FBLN1: variants seen among roughly 807,000 people sequenced by gnomAD.
FBLN1 encodes fibulin 1.
In FBLN1, 34 loss-of-function variants were observed where a neutral mutation model predicts 89.7. That is an observed-to-expected ratio of 0.38 (90% CI 0.29 to 0.50). The LOEUF is 0.50. FBLN1 is among the 20% of genes least tolerant of loss of function. The pLI, the probability that FBLN1 is intolerant of heterozygous loss-of-function variation, is 0.92. For missense variants in FBLN1, 777 were observed against 988.1 expected, an observed-to-expected ratio of 0.79 and a Z score of 2.86; for synonymous variants, 393 against 391.3, an observed-to-expected ratio of 1.00 and a Z score of -0.05.
intron 14 of FBLN1, among the ~76,000 whole-genome samples, chr22:45,554,455 T>TC (rs748171638): frequency 6.6e-6 from 1 of 152,114 alleles, no homozygotes; most frequent in African/African-American, 2.4e-5. Context: ...CAGGCAGGAC[T>TC]CCCCCGTTCA....
chr22:45,573,692 A>C (rs959353290), intron 14 of FBLN1, among the ~76,000 whole-genome samples: 1 of 149,496 alleles, frequency 6.7e-6, no homozygotes, highest in Admixed American at 6.7e-5. Flanking sequence ...AAAAAAAAAA[A>C]AAAAAAAAAC....
intron 14 of FBLN1, among the ~76,000 whole-genome samples, chr22:45,568,484 A>C (rs2088918171): frequency 9.8e-5 from 12 of 122,684 alleles, no homozygotes; most frequent in South Asian, 5.5e-4. Flanking sequence ...TCTGTAGGGG[A>C]ATGCCTCTTC....
Position 45,579,147 on chromosome 22 carries a change from G to A in FBLN1, c.1972+2039G>A, listed in dbSNP as rs953071864. ...GGGCCTAGAACCAGCACCCACCAGCGCCTTTCTCTGGCTGCATCTGCTCCA... is the reference window on the plus strand; with the variant it reads ...GGGCCTAGAACCAGCACCCACCAGCACCTTTCTCTGGCTGCATCTGCTCCA... On this transcript the variant is annotated intron_variant, in intron 16 of 16. Coordinates refer to ENST00000327858, the MANE Select transcript of FBLN1 (RefSeq NM_006486.3). This position sits in a 1 kb window ranked among gnomAD's most constrained non-coding sequence, Gnocchi z 5.5. 6.6e-6 allele frequency among the ~76,000 whole-genome samples: 1 copy of A among 152,228 alleles called. No individual in the cohort carries two copies. Among genetic ancestry groups the A allele is most frequent in the Non-Finnish European group, 1.5e-5 (1 of 68,026 alleles).
In FBLN1 at chr22:45,576,917, G is replaced by GCTGGGA; in HGVS notation, c.1841-54_1841-49dup. The GCTGGGA allele has an allele frequency of 3.7e-6, 6 of 1,606,594 alleles. No individual in the cohort carries two copies. Among genetic ancestry groups the GCTGGGA allele is most frequent in the South Asian group, 1.1e-5 (1 of 90,922 alleles). On this transcript the variant is annotated intron_variant, in intron 15 of 16. Coordinates refer to ENST00000327858, the MANE Select transcript of FBLN1 (RefSeq NM_006486.3). The surrounding 1 kb of genome is among the most constrained non-coding windows in gnomAD (Gnocchi z 5.2). ...CCAAGGGTGAGTTCCTGGGGACGAG[G>GCTGGGA]CTGGGACTGGGGCTGGGGCCAGGCT...
At chr22:45,503,693 C>T (rs1038408482) in intron 1 of FBLN1, among the ~76,000 whole-genome samples, 4 of 152,184 alleles carry the variant, frequency 2.6e-5, no homozygotes, top group Non-Finnish European at 5.9e-5. Flanking sequence ...TCCCTGCCTC[C>T]CTCCCGGGAC....
intron 1 of FBLN1, among the ~76,000 whole-genome samples, chr22:45,513,757 G>A (rs550110038): frequency 6.6e-6 from 1 of 152,054 alleles, no homozygotes. Flanking sequence ...GTCACCATAC[G>A]TGCCTTACTG....
rs1284927261 is a variant in FBLN1 at position 45,588,723 on chromosome 22, T to G, written c.1973-11584T>G. On this transcript the variant is annotated intron_variant, in intron 16 of 16. Transcript: ENST00000327858. The surrounding 1 kb of genome is among the most constrained non-coding windows in gnomAD (Gnocchi z 5.1). ...TGGTCTGCACCTTCTGAAAAGCCTTTAATATCACCGGGCACATTCATAAAT... is the reference window on the plus strand; with the variant it reads ...TGGTCTGCACCTTCTGAAAAGCCTTGAATATCACCGGGCACATTCATAAAT... 6.6e-6 allele frequency among the ~76,000 whole-genome samples: 1 copy of G among 151,670 alleles called. No individual in the cohort carries two copies. Among genetic ancestry groups the G allele is most frequent in the Non-Finnish European group, 1.5e-5 (1 of 68,018 alleles).
At chr22:45,593,953 G>A (rs981972781) in intron 16 of FBLN1, among the ~76,000 whole-genome samples, 5 of 152,216 alleles carry the variant, frequency 3.3e-5, no homozygotes, top group African/African-American at 1.2e-4. Flanking sequence ...GACTGTGAGC[G>A]TCCCCTGCAA....
chr22:45,582,230 G>A (rs1195905599), intron 16 of FBLN1, among the ~76,000 whole-genome samples: 1 of 152,176 alleles, frequency 6.6e-6, no homozygotes. Context: ...TATACTAGCT[G>A]GTATCTACAC....
At chr22:45,535,051 T>C (rs1027858608) in intron 7 of FBLN1, 149 bp from the exon 8 acceptor site, 68 of 988,054 alleles carry the variant, frequency 6.9e-5, no homozygotes, top group Non-Finnish European at 1.0e-4. Flanking sequence ...CAGTGAAGTC[T>C]TTTTTGTGTA....
chr22:45,565,342 C>T, intron 14 of FBLN1: 1 of 1,174,102 alleles, frequency 8.5e-7, no homozygotes, highest in East Asian at 5.6e-5. Context: ...GCACCTGCCC[C>T]ACCCCAGCTC....
chr22:45,546,373 T>G (rs570786229), intron 11 of FBLN1, among the ~76,000 whole-genome samples: 1 of 152,188 alleles, frequency 6.6e-6, no homozygotes, highest in African/African-American at 2.4e-5. Flanking sequence ...CGTGCCACCA[T>G]GCCTGGCTAA....
chr22:45,595,917 T>C (rs1158532551), intron 16 of FBLN1, among the ~76,000 whole-genome samples: 1 of 152,276 alleles, frequency 6.6e-6, no homozygotes, highest in African/African-American at 2.4e-5. Flanking sequence ...TCGCCCAGGC[T>C]AGAGTGCAAT....
At position 45,542,903 on chromosome 22, in the gene FBLN1, C is replaced by T. The variant is rs553980043; in HGVS notation, c.1196-498C>T. 2.6e-4 allele frequency among the ~76,000 whole-genome samples: 39 copies of T among 152,344 alleles called. 1 individual carries two copies. The highest frequency in any genetic ancestry group is 3.4e-3 in the Middle Eastern group (1 of 294). ...GCTCGCCCACCAGGCAGGCACAGCG[C>T]GGCAGTCCCGGCTCTCCCACTGACT... On this transcript the variant is annotated intron_variant, in intron 10 of 16. Transcript: ENST00000327858.
intron 14 of FBLN1, chr22:45,565,016 C>CA: frequency 6.2e-7 from 1 of 1,612,930 alleles, no homozygotes; most frequent in Non-Finnish European, 8.5e-7. Flanking sequence ...CCTGGACAGA[C>CA]AGTCAGCTCC....
At chr22:45,528,986 G>T (rs1169854535) in intron 4 of FBLN1, among the ~76,000 whole-genome samples, 1 of 152,226 alleles carries the variant, frequency 6.6e-6, no homozygotes, top group African/African-American at 2.4e-5. Flanking sequence ...GGTGCTGGGA[G>T]GATGGAGTGC....
Position 45,562,276 on chromosome 22 carries a change from A to G in FBLN1, c.1697+11661A>G, listed in dbSNP as rs1170552065. Among the ~76,000 whole-genome samples, 1 of 152,188 alleles carries G rather than the reference A, an allele frequency of 6.6e-6. No homozygotes were observed. Among genetic ancestry groups the G allele is most frequent in the Non-Finnish European group, 1.5e-5 (1 of 68,038 alleles). Reference sequence around the variant, plus strand: ...CTTGGAACACGAGGGCTTAGTGACAAGGAACTGGGAACTGACCTCAATGGC... The same window carrying G: ...CTTGGAACACGAGGGCTTAGTGACAGGGAACTGGGAACTGACCTCAATGGC... On this transcript the variant is annotated intron_variant, in intron 14 of 16. Coordinates refer to ENST00000327858, the MANE Select transcript of FBLN1 (RefSeq NM_006486.3). The surrounding 1 kb of genome is among the most constrained non-coding windows in gnomAD (Gnocchi z 7.8).
Position 45,544,647 on chromosome 22 carries a change from G to T in FBLN1, c.1321+1121G>T, listed in dbSNP as rs555013651. On this transcript the variant is annotated intron_variant, in intron 11 of 16. Transcript: ENST00000327858. The stretch of plus-strand genomic sequence containing the variant: ...AAGAGAAAATTCTTTTGGCAGCATT[G>T]ATCTTTCTCAGACAGGCATGTCAAG... Among the ~76,000 whole-genome samples the T allele has an allele frequency of 1.2e-4, 19 of 152,334 alleles. No individual in the cohort carries two copies. The South Asian group carries it at 3.9e-3, about 32-fold the overall frequency.
rs1008685287 is a variant in FBLN1 at position 45,518,948 on chromosome 22, TCCTGGCACCGG to T, written c.185+173_185+183del. Among the ~76,000 whole-genome samples, 20 of 152,300 alleles carry T rather than the reference TCCTGGCACCGG, an allele frequency of 1.3e-4. No individual in the cohort carries two copies. The South Asian group carries it at 1.5e-3, about 11-fold the overall frequency. ...CTGCAGTGGGTGACTCCTGCCTCCC[TCCTGGCACCGG>T]CCTGGCACCGGGCCTTGGCTCACCC... On this transcript the variant is annotated intron_variant, in intron 2 of 16. Coordinates refer to ENST00000327858, the MANE Select transcript of FBLN1 (RefSeq NM_006486.3).
Sources: gnomAD v4.1 joint callset for allele counts (sites outside exome capture counted in the v4.1 genomes callset) on GRCh38, gnomAD v4.1.1 for gene constraint, Gnocchi (gnomAD v3.1) non-coding constraint, MANE v1.5 for transcripts, NCBI Gene and HGNC (gene_info 2026-07-23, HGNC 2026-07-21) for gene names.